CSF2RA: variants seen among roughly 807,000 people sequenced by gnomAD.
CSF2RA encodes the protein granulocyte-macrophage colony-stimulating factor receptor subunit alpha.
In CSF2RA, 42 loss-of-function variants were observed where a neutral mutation model predicts 51.6. The ratio of observed to expected loss-of-function variants is 0.81; its 90% CI spans 0.64 to 1.05. The LOEUF (loss-of-function observed/expected upper bound fraction) is 1.05. Among genes scored for constraint, CSF2RA ranks in the 50% least tolerant of loss-of-function variants. CSF2RA has a pLI of 0.00. For synonymous variants in CSF2RA, 222 were observed against 193.0 expected, an observed-to-expected ratio of 1.15 and a Z score of -1.24; for missense variants, 530 against 501.1, an observed-to-expected ratio of 1.06 and a Z score of -0.55.
downstream of CSF2RA, among the ~76,000 whole-genome samples, chrX:1,312,706 G>A (rs1299377442): frequency 6.0e-4 from 91 of 152,226 alleles, no homozygotes; most frequent in Admixed American, 1.6e-3. Flanking sequence ...ACTTGGAGCC[G>A]AGAGAGAGCC....
intron 7 of CSF2RA, among the ~76,000 whole-genome samples, chrX:1,293,542 T>C (rs1244000666): frequency 7.0e-6 from 1 of 142,516 alleles, no homozygotes; most frequent in Non-Finnish European, 1.6e-5. Flanking sequence ...TTCTTTTCCC[T>C]ACACAGAGTA....
At chrX:1,317,577 T>TA in the CSF2RA span, among the ~76,000 whole-genome samples, 61 of 149,288 alleles carry the variant, frequency 4.1e-4, no homozygotes, top group African/African-American at 8.9e-4. Context: ...TATTTTATTT[T>TA]TTTTTTTTGA....
At chrX:1,286,773 A>G (rs2090725314) in intron 4 of CSF2RA, among the ~76,000 whole-genome samples, 2 of 152,218 alleles carry the variant, frequency 1.3e-5, no homozygotes. Context: ...CCCCAAGAGA[A>G]GAGAAATCCT....
chrX:1,316,118 TAC>T, the CSF2RA span, among the ~76,000 whole-genome samples: 16 of 142,004 alleles, frequency 1.1e-4, no homozygotes, highest in African/African-American at 4.0e-4. Context: ...GATACATAGA[TAC>T]ATAGACAGAT....
At chrX:1,283,115 G>A (rs183674509) in intron 3 of CSF2RA, among the ~76,000 whole-genome samples, 1 of 91,126 alleles carries the variant, frequency 1.1e-5, no homozygotes, top group African/African-American at 3.7e-5. Context: ...TCGTTCCTTC[G>A]TTCCTTCGTT....
At chrX:1,306,746 C>G (rs1319140533) in intron 12 of CSF2RA, among the ~76,000 whole-genome samples, 8 of 148,726 alleles carry the variant, frequency 5.4e-5, no homozygotes, top group Admixed American at 4.7e-4. Flanking sequence ...GACAGAGAGA[C>G]ACAGAGAAAG....
chrX:1,322,260 G>A, the CSF2RA span, among the ~76,000 whole-genome samples: 6 of 131,938 alleles, frequency 4.5e-5, no homozygotes, highest in African/African-American at 5.5e-5. Flanking sequence ...TGCCCGCCAC[G>A]TCACCCGGCT....
At chrX:1,317,246 C>CCTTTTTTTTT in the CSF2RA span, among the ~76,000 whole-genome samples, 4 of 57,836 alleles carry the variant, frequency 6.9e-5, no homozygotes, top group African/African-American at 2.9e-4. Flanking sequence ...CCACGCTCAG[C>CCTTTTTTTTT]TTTTTTTTTT....
At chrX:1,269,235 C>T (rs781190574) in intron 1 of CSF2RA, among the ~76,000 whole-genome samples, 104 of 152,244 alleles carry the variant, frequency 6.8e-4, no homozygotes, top group African/African-American at 2.1e-3. Flanking sequence ...ATTGGCTGTA[C>T]ATTGCTAAGC....
chrX:1,276,223 A>C (rs1473064719), intron 2 of CSF2RA, among the ~76,000 whole-genome samples: 28 of 143,938 alleles, frequency 1.9e-4, no homozygotes, highest in Non-Finnish European at 1.5e-5. Flanking sequence ...CAGTAGACAC[A>C]GGGTTTCACT....
chrX:1,284,795 G>A (rs1326045751), intron 3 of CSF2RA, among the ~76,000 whole-genome samples: 1 of 151,078 alleles, frequency 6.6e-6, no homozygotes, highest in Non-Finnish European at 1.5e-5. Flanking sequence ...CTCCTGAGTA[G>A]CTGGGATTAC....
chrX:1,291,183 A>G (rs1355249571), intron 7 of CSF2RA, among the ~76,000 whole-genome samples: 2 of 151,582 alleles, frequency 1.3e-5, no homozygotes, highest in Non-Finnish European at 2.9e-5. Context: ...CAGCCTCCCA[A>G]AGTGCTGGGA....
At chrX:1,294,549 C>T in intron 8 of CSF2RA, 88 bp downstream of exon 8, 4 of 1,573,804 alleles carry the variant, frequency 2.5e-6, no homozygotes, top group Non-Finnish European at 3.5e-6. Flanking sequence ...GGGGAAGTGG[C>T]CTGGGGGAAG....
downstream of CSF2RA, among the ~76,000 whole-genome samples, chrX:1,312,020 G>C (rs370145638): frequency 3.9e-5 from 6 of 152,038 alleles, no homozygotes; most frequent in African/African-American, 1.2e-4. Flanking sequence ...GCAGTGGCAC[G>C]ATCTCAGCTC....
chrX:1,301,698 G>A (rs147157257), intron 10 of CSF2RA, among the ~76,000 whole-genome samples: 2,337 of 145,702 alleles, frequency 0.016, 63 homozygotes, highest in African/African-American at 0.057. Context: ...CTGGGTTCAC[G>A]CCATTCTCCT....
chrX:1,315,983 AGAT>A, the CSF2RA span, among the ~76,000 whole-genome samples: 3 of 149,022 alleles, frequency 2.0e-5, no homozygotes, highest in East Asian at 2.0e-4. Flanking sequence ...GATAGAAAAT[AGAT>A]GATAGATGGA....
At chrX:1,314,223 CCCACT>C (rs1351543718), downstream of CSF2RA, among the ~76,000 whole-genome samples, 113 of 98,132 alleles carry the variant, frequency 1.2e-3, 2 homozygotes, top group East Asian at 1.4e-3. Flanking sequence ...CCTGCCCAAC[CCCACT>C]GCACCTGCCC....
chrX:1,316,892 T>A, the CSF2RA span, among the ~76,000 whole-genome samples: 3 of 152,240 alleles, frequency 2.0e-5, no homozygotes, highest in Non-Finnish European at 4.4e-5. Context: ...GTTTGCTGAA[T>A]AATCACTAAC....
At chrX:1,280,425 T>A (rs367546908) in intron 2 of CSF2RA, among the ~76,000 whole-genome samples, 1 of 145,776 alleles carries the variant, frequency 6.9e-6, no homozygotes, top group East Asian at 2.0e-4. Context: ...GAGCCAAGAT[T>A]GCACCACTGC....
Sources: allele counts gnomAD v4.1 joint callset (sites outside exome capture counted in the v4.1 genomes callset), GRCh38; gene constraint gnomAD v4.1.1; transcripts MANE v1.5; gene names NCBI Gene and HGNC (gene_info 2026-07-23, HGNC 2026-07-21).